Variants in GPR139 observed in about 807,000 individuals in gnomAD.
GPR139 encodes the protein G protein-coupled receptor 139.
A neutral mutation model predicts 25.8 loss-of-function variants in GPR139; 12 were observed. That is an observed-to-expected ratio of 0.47 (90% confidence interval 0.30 to 0.75). The LOEUF (loss-of-function observed/expected upper bound fraction) is 0.75, where lower values mean the gene tolerates loss of function less well. Among genes scored for constraint, GPR139 ranks in the 30% least tolerant of loss-of-function variants. GPR139 has a pLI of 0.07. For missense variants in GPR139, 380 were observed against 450.2 expected, an observed-to-expected ratio of 0.84 and a Z score of 1.41; for synonymous variants, 184 against 179.9, an observed-to-expected ratio of 1.02 and a Z score of -0.18.
intron 1 of GPR139, among the ~76,000 whole-genome samples, chr16:20,049,838 CAAAT>C (rs1353502661): frequency 6.6e-6 from 1 of 152,278 alleles, no homozygotes; most frequent in Admixed American, 6.5e-5. Flanking sequence ...TACATTAACA[CAAAT>C]AAAGTGCTTA....
rs534032083 is a variant in GPR139 at position 20,033,123 on chromosome 16, G to A, written c.128-454C>T. On this transcript the variant is annotated intron_variant, in intron 1 of 1. Transcript: ENST00000570682. ...GGGGCTCTGAGAGCCTCACACAACC[G>A]TGGGAGGTGGTGTTGCCATTCTCCT... Among the ~76,000 whole-genome samples the A allele has an allele frequency of 1.2e-3, 152 of 122,120 alleles. 1 individual carries two copies. Among genetic ancestry groups the A allele is most frequent in the Middle Eastern group, 6.5e-3 (1 of 154 alleles). 80.1% of individuals were successfully genotyped at this position (122,120 alleles called of 152,430 possible).
At chr16:20,057,518 A>G (rs2057393892) in intron 1 of GPR139, among the ~76,000 whole-genome samples, 2 of 151,278 alleles carry the variant, frequency 1.3e-5, no homozygotes, top group South Asian at 2.1e-4. Context: ...CCATCCATCC[A>G]TCCATCCATC....
chr16:20,037,922 G>A (rs2057315838), intron 1 of GPR139, among the ~76,000 whole-genome samples: 2 of 152,076 alleles, frequency 1.3e-5, no homozygotes, highest in East Asian at 1.9e-4. Context: ...GTGCAATGAT[G>A]CGATCTCGGC....
intron 1 of GPR139, among the ~76,000 whole-genome samples, chr16:20,070,064 A>G (rs1255461957): frequency 5.9e-5 from 9 of 152,258 alleles, no homozygotes; most frequent in Non-Finnish European, 1.0e-4. Flanking sequence ...ACTGCCTGGC[A>G]TTAATGAAGG....
chr16:20,035,231 A>G (rs1342598641), intron 1 of GPR139, among the ~76,000 whole-genome samples: 1 of 152,108 alleles, frequency 6.6e-6, no homozygotes, highest in African/African-American at 2.4e-5. Flanking sequence ...TGGAGAGTTA[A>G]GATACTGATT....
At chr16:20,032,740 G>C in intron 1 of GPR139, 71 bp from the exon 2 acceptor site, 1 of 1,133,194 alleles carries the variant, frequency 8.8e-7, no homozygotes. Flanking sequence ...GGGGGCCCTA[G>C]GCATATGTTT....
At chr16:20,067,384 T>G (rs2198982) in intron 1 of GPR139, among the ~76,000 whole-genome samples, 51,134 of 152,040 alleles carry the variant, frequency 0.34, 9,284 homozygotes, top group East Asian at 0.54. Context: ...TATTGCCAGA[T>G]CAAACCTGGA....
At chr16:20,035,421 TA>T (rs2057306594) in intron 1 of GPR139, among the ~76,000 whole-genome samples, 1 of 152,204 alleles carries the variant, frequency 6.6e-6, no homozygotes, top group Admixed American at 6.5e-5. Context: ...AGAGACCCAC[TA>T]AAGGTCTTTA....
rs2057280878 is a variant in GPR139, at chr16:20,029,806, A to C, written c.*1929T>G. Among the ~76,000 whole-genome samples, 1 of 152,190 alleles carries C rather than the reference A, an allele frequency of 6.6e-6. No homozygotes were observed. The highest frequency in any genetic ancestry group is 2.4e-5 in the African/African-American group (1 of 41,448). On this transcript the variant is annotated 3_prime_UTR_variant, in exon 2 of 2. Transcript: ENST00000570682. ...ATGTTCTCAGATACATTAGAATCAC[A>C]CAATATGGTCCCTAAATGAGAGCCA...
intron 1 of GPR139, among the ~76,000 whole-genome samples, chr16:20,057,648 T>TA (rs1267701279): frequency 2.0e-5 from 3 of 149,612 alleles, no homozygotes; most frequent in Non-Finnish European, 4.5e-5. Flanking sequence ...ATCCAATACC[T>TA]ACCAGGCCCC....
chr16:20,052,528 T>TG (rs1481713301), intron 1 of GPR139, among the ~76,000 whole-genome samples: 3 of 152,216 alleles, frequency 2.0e-5, no homozygotes, highest in Non-Finnish European at 2.9e-5. Flanking sequence ...CTGGGCGCGG[T>TG]GGCTCACGCC....
chr16:20,051,108 A>AAACTTATT (rs912746649), intron 1 of GPR139, among the ~76,000 whole-genome samples: 4 of 152,036 alleles, frequency 2.6e-5, no homozygotes, highest in African/African-American at 7.2e-5. Flanking sequence ...ATAAAGAAAG[A>AAACTTATT]AACTTATTAT....
chr16:20,059,130 T>A (rs998515912), intron 1 of GPR139, among the ~76,000 whole-genome samples: 4 of 152,138 alleles, frequency 2.6e-5, no homozygotes, highest in African/African-American at 9.7e-5. Flanking sequence ...CTGGTGATGA[T>A]CCTCTCTCTG....
In GPR139 at chr16:20,073,854, C is replaced by G; in HGVS notation, c.-238G>C. ...GGGGCGCAGGGTGCGGGGCGCGCTG[C>G]GCGGGGCCTCGGGAGGGGCTCCCGG... On this transcript the variant is annotated 5_prime_UTR_variant, in exon 1 of 2. Coordinates refer to ENST00000570682, the MANE Select transcript of GPR139 (RefSeq NM_001002911.4). The surrounding 1 kb of genome is among the most constrained non-coding windows in gnomAD (Gnocchi z 4.7). 2.1e-6 allele frequency: 1 copy of G among 467,622 alleles called. No homozygotes were observed. The highest frequency in any genetic ancestry group is 3.6e-6 in the Non-Finnish European group (1 of 274,212). 29.0% of individuals were successfully genotyped at this position (467,622 alleles called of 1,614,324 possible).
chr16:20,046,002 G>T (rs2057353281), intron 1 of GPR139, among the ~76,000 whole-genome samples: 1 of 152,150 alleles, frequency 6.6e-6, no homozygotes, highest in Admixed American at 6.5e-5. Flanking sequence ...GAGTTCGCTG[G>T]GGTGTCAGAG....
intron 1 of GPR139, among the ~76,000 whole-genome samples, chr16:20,033,228 G>T (rs1338151501): frequency 7.7e-6 from 1 of 130,712 alleles, no homozygotes; most frequent in African/African-American, 2.9e-5. Context: ...TCACACAACC[G>T]TGAGAGGTGG....
At chr16:20,060,659 GTATAA>G (rs1262744499) in intron 1 of GPR139, among the ~76,000 whole-genome samples, 5 of 152,200 alleles carry the variant, frequency 3.3e-5, no homozygotes, top group Non-Finnish European at 5.9e-5. Flanking sequence ...TTCATACTCT[GTATAA>G]TGTATTGTCC....
chr16:20,032,923 T>G (rs2057296515), intron 1 of GPR139, among the ~76,000 whole-genome samples: 4 of 152,096 alleles, frequency 2.6e-5, no homozygotes, highest in Admixed American at 2.6e-4. Context: ...GAAGTGAAAC[T>G]GGGGCTCTGA....
chr16:20,071,954 G>A (rs1250323417), intron 1 of GPR139, among the ~76,000 whole-genome samples: 1 of 152,210 alleles, frequency 6.6e-6, no homozygotes, highest in Non-Finnish European at 1.5e-5. Flanking sequence ...AATGCTGAGG[G>A]GGAAAGAGGT....
Sources: allele counts gnomAD v4.1 joint callset (sites outside exome capture counted in the v4.1 genomes callset), GRCh38; gene constraint gnomAD v4.1.1; non-coding constraint Gnocchi (gnomAD v3.1); transcripts MANE v1.5; gene names NCBI Gene and HGNC (gene_info 2026-07-23, HGNC 2026-07-21).